WDR7: variants seen among roughly 807,000 people sequenced by gnomAD.
WDR7 encodes WD repeat-containing protein 7.
In WDR7, 46 loss-of-function variants were observed where a neutral mutation model predicts 169.4. That is an observed-to-expected ratio of 0.27 (90% CI 0.21 to 0.35). The LOEUF (loss-of-function observed/expected upper bound fraction) is 0.35, where lower values mean the gene tolerates loss of function less well. WDR7 is among the 10% of genes least tolerant of loss of function. The pLI is 1.00. For synonymous variants in WDR7, 612 were observed against 666.8 expected (o/e 0.92, Z 1.27); for missense variants, 1,534 against 1,859.3 (o/e 0.83, Z 3.22).
At chr18:57,011,203 C>T (rs1055833918) in intron 26 of WDR7, among the ~76,000 whole-genome samples, 1 of 149,542 alleles carries the variant, frequency 6.7e-6, no homozygotes, top group Non-Finnish European at 1.5e-5. Context: ...AATATATAAC[C>T]CCCCCACAGA....
rs555868455 is a variant in WDR7 at position 56,776,184 on chromosome 18, A to T, written c.2849-598A>T. ...CATAGGGAGTATTTGTGAAATAATTAAAAAAAAAAAACTCCAATGAATGAA... is the reference window on the plus strand; with the variant it reads ...CATAGGGAGTATTTGTGAAATAATTTAAAAAAAAAAACTCCAATGAATGAA... On this transcript the variant is annotated intron_variant, in intron 16 of 27. Coordinates refer to ENST00000254442, the MANE Select transcript of WDR7 (RefSeq NM_015285.3). 3.3e-4 allele frequency among the ~76,000 whole-genome samples: 38 copies of T among 114,516 alleles called. No homozygotes were observed. In the East Asian group the frequency reaches 8.9e-3, roughly 27 times the overall value. The allele number at this position is 114,516 out of a possible 152,430, so 75.1% of individuals were successfully genotyped here. A position where few individuals can be genotyped will look rare whatever the true frequency, so the allele number is the denominator to read the frequency against.
chr18:56,889,866 T>C (rs979277167), intron 21 of WDR7, among the ~76,000 whole-genome samples: 2 of 152,200 alleles, frequency 1.3e-5, no homozygotes, highest in Admixed American at 6.5e-5. Context: ...TTCACATATC[T>C]GGGCTTTAGG....
At chr18:56,974,507 T>C (rs1469657708) in intron 26 of WDR7, among the ~76,000 whole-genome samples, 1 of 151,948 alleles carries the variant, frequency 6.6e-6, no homozygotes, top group Non-Finnish European at 1.5e-5. Flanking sequence ...GTACTACAGG[T>C]ACACACTACC....
intron 21 of WDR7, among the ~76,000 whole-genome samples, chr18:56,897,486 T>C (rs949250215): frequency 3.7e-5 from 5 of 135,360 alleles, no homozygotes; most frequent in African/African-American, 1.3e-4. Flanking sequence ...TACAAACGTA[T>C]GTAGTAAGAA....
chr18:56,741,314 G>C (rs745483449), intron 14 of WDR7, among the ~76,000 whole-genome samples: 1 of 151,974 alleles, frequency 6.6e-6, no homozygotes, highest in African/African-American at 2.4e-5. Context: ...AAATGTTATC[G>C]AATCATCTTC....
chr18:56,876,609 G>T (rs559397028), intron 20 of WDR7, among the ~76,000 whole-genome samples: 2 of 152,130 alleles, frequency 1.3e-5, no homozygotes, highest in Admixed American at 6.5e-5. Context: ...AGCTTCCTCA[G>T]TTCCTGAAAG....
intron 25 of WDR7, among the ~76,000 whole-genome samples, chr18:56,941,655 A>T (rs1232859974): frequency 6.6e-6 from 1 of 152,174 alleles, no homozygotes; most frequent in African/African-American, 2.4e-5. Context: ...GTCCTTGAAT[A>T]ATGTCATTTC....
chr18:56,899,132 A>G (rs566598135), intron 21 of WDR7, among the ~76,000 whole-genome samples: 9 of 152,126 alleles, frequency 5.9e-5, no homozygotes, highest in African/African-American at 2.2e-4. Flanking sequence ...CTCCCTTTCC[A>G]GTTTTCGAGG....
intron 16 of WDR7, among the ~76,000 whole-genome samples, chr18:56,765,513 A>T (rs1051933282): frequency 8.6e-5 from 13 of 152,008 alleles, no homozygotes; most frequent in Admixed American, 3.3e-4. Flanking sequence ...TAAACCTTAT[A>T]ATATTATATT....
intron 12 of WDR7, among the ~76,000 whole-genome samples, chr18:56,702,238 T>G (rs190102288): frequency 2.3e-4 from 35 of 152,282 alleles, no homozygotes; most frequent in African/African-American, 8.2e-4. Context: ...TCCCTCCCAG[T>G]TTATTTTACC....
At chr18:56,685,248 G>A (rs1164982187) in intron 5 of WDR7, among the ~76,000 whole-genome samples, 1 of 152,114 alleles carries the variant, frequency 6.6e-6, no homozygotes, top group Admixed American at 6.5e-5. Flanking sequence ...CAACCCATTA[G>A]GATAGGTACT....
chr18:56,925,091 T>G (rs2046786252), intron 22 of WDR7, among the ~76,000 whole-genome samples: 2 of 152,250 alleles, frequency 1.3e-5, no homozygotes, highest in African/African-American at 4.8e-5. Flanking sequence ...CCATTCATGT[T>G]GTGGCATATC....
chr18:56,963,159 C>T (rs1453920474), intron 26 of WDR7, among the ~76,000 whole-genome samples: 1 of 152,100 alleles, frequency 6.6e-6, no homozygotes, highest in Non-Finnish European at 1.5e-5. Flanking sequence ...TCTAACCCCA[C>T]TTTAGATGTA....
In WDR7 at chr18:56,691,280, C is replaced by G; in HGVS notation, c.782C>G (p.Thr261Ser). Residue 261 changes from threonine to serine, a missense_variant, in exon 8 of 28, where the codon ACC becomes AGC. Transcript: ENST00000254442. ...CCTAGTGAAAATGGACAGACATGGA[C>G]CGGGGGGGACTTTGTCTCATCAGAT... ...SGPSENGQTW[T>S]GGDFVSSDKV... 2 of 1,608,784 alleles carry G rather than the reference C, an allele frequency of 1.2e-6. No homozygotes were observed. The highest frequency in any genetic ancestry group is 2.2e-5 in the East Asian group (1 of 44,542).
At chr18:56,933,898 G>A (rs950789172) in intron 22 of WDR7, among the ~76,000 whole-genome samples, 13 of 152,154 alleles carry the variant, frequency 8.5e-5, no homozygotes, top group Admixed American at 5.2e-4. Flanking sequence ...CCTCTGTAGC[G>A]TGCCTTCCAG....
intron 27 of WDR7, among the ~76,000 whole-genome samples, chr18:57,022,057 G>A (rs77056070): frequency 0.018 from 2,711 of 151,954 alleles, 91 homozygotes; most frequent in African/African-American, 0.061. Flanking sequence ...ATCTTAATTC[G>A]CTCATATTAA....
chr18:56,718,502 C>T (rs933461375), intron 13 of WDR7, among the ~76,000 whole-genome samples: 1 of 152,106 alleles, frequency 6.6e-6, no homozygotes, highest in African/African-American at 2.4e-5. Flanking sequence ...AAAGATACAA[C>T]CCTTTTTTCT....
At chr18:56,724,232 A>T in intron 13 of WDR7, among the ~76,000 whole-genome samples, 2 of 97,582 alleles carry the variant, frequency 2.0e-5, no homozygotes, top group Admixed American at 3.0e-4. Flanking sequence ...TTTTTTTGAG[A>T]CAGAGTTTCA....
chr18:56,912,311 A>T (rs186188322), intron 21 of WDR7, among the ~76,000 whole-genome samples: 1 of 152,098 alleles, frequency 6.6e-6, no homozygotes, highest in African/African-American at 2.4e-5. Flanking sequence ...AACCAGAGAC[A>T]CTCATATCCA....
Sources: gnomAD v4.1 joint callset for allele counts (sites outside exome capture counted in the v4.1 genomes callset) on GRCh38, gnomAD v4.1.1 for gene constraint, MANE v1.5 for transcripts, NCBI Gene and HGNC (gene_info 2026-07-23, HGNC 2026-07-21) for gene names.